GUCA1A: variants seen among roughly 807,000 people sequenced by gnomAD.
The protein encoded by GUCA1A is guanylyl cyclase-activating protein 1.
GUCA1A carries 14 observed loss-of-function variants against 18.5 expected under a neutral mutation model. The observed-to-expected ratio is 0.76, with a 90% confidence interval of 0.50 to 1.18. GUCA1A has a LOEUF of 1.18. Among genes scored for constraint, GUCA1A ranks in the 50% most tolerant of loss-of-function variants. The pLI, the probability that GUCA1A is intolerant of heterozygous loss-of-function variation, is 0.00. For synonymous variants in GUCA1A, 97 were observed against 100.2 expected (o/e 0.97, Z 0.19); for missense variants, 264 against 262.4 (o/e 1.01, Z -0.04).
Position 42,178,332 on chromosome 6 carries a change from A to G in GUCA1A, c.254A>G (p.Lys85Arg). Residue 85 changes from lysine to arginine, a missense_variant, in exon 2 of 4, where the codon AAG (lysine) becomes AGG (arginine). Transcript: ENST00000372958. ...GTGGCAGCGCTCAGCTTGGTCCTCA[A>G]GGGGAAGGTGGAACAGAAGCTCCGC... ...EYVAALSLVL[K>R]GKVEQKLRWY... 1 of 1,614,082 alleles carries G rather than the reference A, an allele frequency of 6.2e-7. No homozygotes were observed.
chr6:42,178,565 A>C lies in GUCA1A; in HGVS notation c.351+136A>C, dbSNP rs546374575. On this transcript the variant is annotated intron_variant, in intron 2 of 3. Coordinates refer to ENST00000372958, the MANE Select transcript of GUCA1A (RefSeq NM_001384910.1). Reference sequence around the variant, plus strand: ...GATCCTGGTGGCAGCTGTAGGCCTCACCAGCTGCGTGACCCAGGCCACGTT... The same window carrying C: ...GATCCTGGTGGCAGCTGTAGGCCTCCCCAGCTGCGTGACCCAGGCCACGTT... The C allele has an allele frequency of 1.9e-5, 17 of 904,234 alleles. 1 individual carries two copies. In the South Asian group the frequency reaches 2.2e-4, roughly 12 times the overall value. 56.0% of individuals were successfully genotyped at this position (904,234 alleles called of 1,614,324 possible).
chr6:42,173,705 C>G lies in GUCA1A; in HGVS notation c.92C>G (p.Ser31Cys). 6.2e-7 allele frequency: 1 copy of G among 1,613,900 alleles called. No homozygotes were observed. Among genetic ancestry groups the G allele is most frequent in the Non-Finnish European group, 8.5e-7 (1 of 1,179,720 alleles). Residue 31 changes from serine (S) to cysteine (C), a missense_variant, in exon 1 of 4, where the codon TCT (serine) becomes TGT (cysteine). Physicochemically the swap from Ser to Cys is moderately radical, Grantham distance 112. Transcript: ENST00000372958. ...AAGAAGTTCATGACTGAGTGCCCCT[C>G]TGGCCAACTCACCCTCTATGAGTTC... ...WYKKFMTECPSGQLTLYEFRQ... is the reference protein window; with the variant it reads ...WYKKFMTECPCGQLTLYEFRQ...
In GUCA1A at chr6:42,173,415, CCAT is replaced by C. The variant is rs1211410418; in HGVS notation, c.-194_-192del. ...TGGCATCTGTGAGTTTGAGTGTGGG[CCAT>C]CATCTTCTTCCTTCTGCTCTCTCCC... On this transcript the variant is annotated 5_prime_UTR_variant, in exon 1 of 4. Coordinates refer to ENST00000372958, the MANE Select transcript of GUCA1A (RefSeq NM_001384910.1). 6.4e-6 allele frequency: 4 copies of C among 625,362 alleles called. No individual in the cohort carries two copies. Among genetic ancestry groups the C allele is most frequent in the Non-Finnish European group, 1.1e-5 (4 of 348,276 alleles). The allele number at this position is 625,362 out of a possible 1,614,324, so 38.7% of individuals were successfully genotyped here.
Position 42,179,445 on chromosome 6 carries a change from ATGGTGGTGCCTGT to A in GUCA1A, c.*51_*63del. ...CTTCTGCACTAGCGGGTGGGGTGGT[ATGGTGGTGCCTGT>A]TGGTGGTGTTCTTGTCTTAACCCTA... is the stretch of plus-strand genomic sequence containing the variant. On this transcript the variant is annotated 3_prime_UTR_variant, in exon 4 of 4. Coordinates refer to ENST00000372958, the MANE Select transcript of GUCA1A (RefSeq NM_001384910.1). 1 of 1,488,996 alleles carries A rather than the reference ATGGTGGTGCCTGT, an allele frequency of 6.7e-7. No individual in the cohort carries two copies. The highest frequency in any genetic ancestry group is 9.1e-7 in the Non-Finnish European group (1 of 1,102,558). 92.2% of individuals were successfully genotyped at this position (1,488,996 alleles called of 1,614,324 possible).
chr6:42,175,052 G>A (rs563003631), intron 1 of GUCA1A, among the ~76,000 whole-genome samples: 25 of 152,344 alleles, frequency 1.6e-4, no homozygotes, highest in Admixed American at 1.6e-3. Context: ...CGAAGCGGGA[G>A]CAGGTGAGCA....
At chr6:42,176,032 C>A (rs1767951253) in intron 1 of GUCA1A, among the ~76,000 whole-genome samples, 1 of 152,176 alleles carries the variant, frequency 6.6e-6, no homozygotes, top group African/African-American at 2.4e-5. Context: ...AATAACATTT[C>A]ACCATTACGT....
At chr6:42,178,944 TGGGGTCACCA>T in intron 3 of GUCA1A, 49 bp downstream of exon 3, 1 of 1,389,180 alleles carries the variant, frequency 7.2e-7, no homozygotes, top group South Asian at 1.2e-5. Context: ...ACCATGGATG[TGGGGTCACCA>T]GGGGTGGAAG....
At chr6:42,177,717 C>T (rs139004619) in intron 1 of GUCA1A, among the ~76,000 whole-genome samples, 108 of 152,318 alleles carry the variant, frequency 7.1e-4, no homozygotes, top group Middle Eastern at 3.4e-3. Flanking sequence ...AGGGGCCTCT[C>T]TGGGCTCTGT....
In GUCA1A at chr6:42,179,571, G is replaced by C. The variant is rs757602060; in HGVS notation, c.*168G>C. ...AGGCAGAAGTGGGAGTCCAGAGCCA[G>C]GAACAGTGAAGGATGGTTCCTGGCC... On this transcript the variant is annotated 3_prime_UTR_variant, in exon 4 of 4. Coordinates refer to ENST00000372958, the MANE Select transcript of GUCA1A (RefSeq NM_001384910.1). The C allele has an allele frequency of 1.0e-5, 6 of 599,104 alleles. No individual in the cohort carries two copies. The highest frequency in any genetic ancestry group is 1.7e-5 in the Non-Finnish European group (6 of 346,218). The allele number at this position is 599,104 out of a possible 1,614,324, so 37.1% of individuals were successfully genotyped here. A position where few individuals can be genotyped will look rare whatever the true frequency, so the allele number is the denominator to read the frequency against.
chr6:42,175,145 T>C (rs1301385366), intron 1 of GUCA1A, among the ~76,000 whole-genome samples: 1 of 152,058 alleles, frequency 6.6e-6, no homozygotes, highest in East Asian at 1.9e-4. Context: ...AAGGAATAAC[T>C]CCTGAACAGG....
intron 1 of GUCA1A, among the ~76,000 whole-genome samples, chr6:42,175,635 G>T (rs891334805): frequency 2.0e-5 from 3 of 152,156 alleles, no homozygotes; most frequent in African/African-American, 4.8e-5. Flanking sequence ...ATAGTGCTGG[G>T]ATTACAGGCG....
Position 42,179,379 on chromosome 6 carries a change from C to T in GUCA1A, c.582C>T (p.Asp194=), listed in dbSNP as rs775141056. ...GCGAGCAAGACGAGGAGGGGGCTGA[C>T]GAGGCCGCTGAGGCAGCCGGCTGAG... is the stretch of plus-strand genomic sequence containing the variant. ...QNGEQDEEGA[D]EAAEAAG Residue 194 remains aspartate (D), a synonymous_variant, in exon 4 of 4, where the codon GAC becomes GAT. Coordinates refer to ENST00000372958, the MANE Select transcript of GUCA1A (RefSeq NM_001384910.1). The T allele has an allele frequency of 4.4e-6, 7 of 1,605,526 alleles. No homozygotes were observed. The highest frequency in any genetic ancestry group is 1.1e-5 in the South Asian group (1 of 90,310).
chr6:42,176,753 G>A (rs539105196), intron 1 of GUCA1A, among the ~76,000 whole-genome samples: 1 of 152,254 alleles, frequency 6.6e-6, no homozygotes, highest in Middle Eastern at 3.4e-3. Context: ...GATACAGAGA[G>A]GAGTTAAACA....
Position 42,179,388 on chromosome 6 carries a change from T to C in GUCA1A, c.591T>C (p.Ala197=), listed in dbSNP as rs1416627505. 1 of 1,600,154 alleles carries C rather than the reference T, an allele frequency of 6.2e-7. No individual in the cohort carries two copies. Among genetic ancestry groups the C allele is most frequent in the Non-Finnish European group, 8.5e-7 (1 of 1,172,018 alleles). The stretch of plus-strand genomic sequence containing the variant: ...ACGAGGAGGGGGCTGACGAGGCCGC[T>C]GAGGCAGCCGGCTGAGTGCACCGCC... ...EQDEEGADEA[A]EAAG The change falls in exon 4 of 4, where the codon GCT becomes GCC. Residue 197 remains alanine, a synonymous_variant. Coordinates refer to ENST00000372958, the MANE Select transcript of GUCA1A (RefSeq NM_001384910.1).
At chr6:42,177,560 A>C (rs1030160649) in intron 1 of GUCA1A, among the ~76,000 whole-genome samples, 3 of 152,192 alleles carry the variant, frequency 2.0e-5, no homozygotes, top group Middle Eastern at 3.4e-3. Context: ...TAAAAAAAAA[A>C]CCTGCAAAAG....
At chr6:42,176,072 G>A (rs1297583219) in intron 1 of GUCA1A, among the ~76,000 whole-genome samples, 1 of 152,160 alleles carries the variant, frequency 6.6e-6, no homozygotes, top group East Asian at 1.9e-4. Flanking sequence ...GCTGGAATGT[G>A]AGCTCCATGT....
chr6:42,178,451 C>T, intron 2 of GUCA1A, 22 bp downstream of exon 2: 1 of 1,608,902 alleles, frequency 6.2e-7, no homozygotes, highest in Non-Finnish European at 8.5e-7. Context: ...CCGGCCAGGG[C>T]TGGGGGCAGC....
intron 3 of GUCA1A, 67 bp from the exon 4 acceptor site, chr6:42,179,176 G>A (rs1768045231): frequency 6.8e-7 from 1 of 1,461,314 alleles, no homozygotes; most frequent in African/African-American, 1.4e-5. Flanking sequence ...GCAAGAACCC[G>A]GTTCTGTGCT....
chr6:42,173,712 A>C lies in GUCA1A; in HGVS notation c.99A>C (p.Gln33His). 1 of 1,613,988 alleles carries C rather than the reference A, an allele frequency of 6.2e-7. No homozygotes were observed. Among genetic ancestry groups the C allele is most frequent in the Non-Finnish European group, 8.5e-7 (1 of 1,179,874 alleles). The change falls in exon 1 of 4, where the codon CAA (glutamine) becomes CAC (histidine). Residue 33 changes from glutamine to histidine, a missense_variant. By Grantham distance (24) the Gln-to-His change is conservative (BLOSUM62 0). Transcript: ENST00000372958. Reference sequence around the variant, plus strand: ...TCATGACTGAGTGCCCCTCTGGCCAACTCACCCTCTATGAGTTCCGCCAGT... The same window carrying C: ...TCATGACTGAGTGCCCCTCTGGCCACCTCACCCTCTATGAGTTCCGCCAGT... ...KKFMTECPSG[Q>H]LTLYEFRQFF...
Sources: gnomAD v4.1 joint callset for allele counts (sites outside exome capture counted in the v4.1 genomes callset) on GRCh38, gnomAD v4.1.1 for gene constraint, MANE v1.5 for transcripts, NCBI Gene and HGNC (gene_info 2026-07-23, HGNC 2026-07-21) for gene names.